KCNK10: variants seen among roughly 807,000 people sequenced by gnomAD.
The protein encoded by KCNK10 is potassium two pore domain channel subfamily K member 10.
In KCNK10, 25 loss-of-function variants were observed where a neutral mutation model predicts 47.7. The observed-to-expected ratio is 0.52, with a 90% CI of 0.38 to 0.73. KCNK10 has a LOEUF of 0.73. KCNK10 is among the 30% of genes least tolerant of loss of function. The pLI is 0.00. For synonymous variants in KCNK10, 303 were observed against 285.6 expected (o/e 1.06, Z -0.61); for missense variants, 563 against 714.5 (o/e 0.79, Z 2.42).
rs1566676123 is a variant in KCNK10 at position 88,185,482 on chromosome 14, A to AC, written c.*52_*53insG. On this transcript the variant is annotated 3_prime_UTR_variant, in exon 7 of 7. Transcript: ENST00000319231. The surrounding 1 kb of genome is among the most constrained non-coding windows in gnomAD (Gnocchi z 4.3). The stretch of plus-strand genomic sequence containing the variant: ...CACATGTCTCAGTGTGAATATTAAA[A>AC]ACACACACACACACACACACAACGC... 7.7e-5 allele frequency: 109 copies of AC among 1,421,710 alleles called. No homozygotes were observed. Among genetic ancestry groups the AC allele is most frequent in the East Asian group, 2.4e-4 (10 of 41,430 alleles). 88.1% of individuals were successfully genotyped at this position (1,421,710 alleles called of 1,614,324 possible).
At chr14:88,208,414 TC>T in intron 4 of KCNK10, among the ~76,000 whole-genome samples, 1 of 152,174 alleles carries the variant, frequency 6.6e-6, no homozygotes, top group South Asian at 2.1e-4. Flanking sequence ...TTGATAAGCC[TC>T]CAAAGGGTAG....
chr14:88,303,380 G>A (rs1007188972), intron 1 of KCNK10, among the ~76,000 whole-genome samples: 1 of 152,132 alleles, frequency 6.6e-6, no homozygotes, highest in Non-Finnish European at 1.5e-5. Flanking sequence ...GTCCATAAGT[G>A]GCCTCCAAAG....
intron 4 of KCNK10, 115 bp downstream of exon 4, chr14:88,227,260 A>G: frequency 2.3e-6 from 2 of 867,526 alleles, no homozygotes; most frequent in Middle Eastern, 2.3e-4. Flanking sequence ...CAATCATAAC[A>G]TTAAAATTAT....
In KCNK10 at chr14:88,220,879, C is replaced by T. The variant is rs781350229; in HGVS notation, c.681+6496G>A. Among the ~76,000 whole-genome samples, 32 of 151,838 alleles carry T rather than the reference C, an allele frequency of 2.1e-4. 1 individual carries two copies. The highest frequency in any genetic ancestry group is 1.9e-4 in the Non-Finnish European group (13 of 67,978). On this transcript the variant is annotated intron_variant, in intron 4 of 6. Transcript: ENST00000319231. The stretch of plus-strand genomic sequence containing the variant: ...AAGCTGGACTTCATTAAAATTAAAA[C>T]CTCTGCTCTGTTAAAGACACTATCA...
intron 3 of KCNK10, chr14:88,235,399 G>A: frequency 2.9e-6 from 1 of 350,258 alleles, no homozygotes; most frequent in African/African-American, 2.1e-5. Context: ...CCAGAAAAAT[G>A]TTTCCAAAAT....
At chr14:88,326,687 G>T (rs1298779288), upstream of KCNK10, 2 of 563,606 alleles carry the variant, frequency 3.5e-6, no homozygotes, top group African/African-American at 1.9e-5. Context: ...CGCTGCTACC[G>T]GGCACGGGTC....
chr14:88,306,431 T>C (rs1292497498), intron 1 of KCNK10, among the ~76,000 whole-genome samples: 1 of 152,156 alleles, frequency 6.6e-6, no homozygotes, highest in Non-Finnish European at 1.5e-5. Flanking sequence ...TAGAATAGCA[T>C]GTGAGAGAAC....
At chr14:88,243,467 C>T (rs891900749) in intron 2 of KCNK10, among the ~76,000 whole-genome samples, 1 of 152,188 alleles carries the variant, frequency 6.6e-6, no homozygotes, top group African/African-American at 2.4e-5. Context: ...ACCTAGAATG[C>T]ATGTTGCCTC....
chr14:88,274,126 A>G (rs191840280), intron 1 of KCNK10, among the ~76,000 whole-genome samples: 143 of 143,756 alleles, frequency 9.9e-4, no homozygotes, highest in Admixed American at 2.5e-3. Flanking sequence ...TTAAAACTCC[A>G]CAAGCACCGC....
At chr14:88,281,667 G>C (rs1267334180) in intron 1 of KCNK10, among the ~76,000 whole-genome samples, 1 of 151,092 alleles carries the variant, frequency 6.6e-6, no homozygotes, top group Non-Finnish European at 1.5e-5. Context: ...CAGATCTTGG[G>C]ACCTGTCCAT....
At chr14:88,323,686 G>C (rs544817882), upstream of KCNK10, 1 of 151,756 alleles carries the variant, frequency 6.6e-6, no homozygotes, top group South Asian at 2.1e-4. Context: ...AGGCGGCAGC[G>C]GCGCGCTTGC....
chr14:88,198,275 G>A (rs1388436781), intron 4 of KCNK10, among the ~76,000 whole-genome samples: 1 of 152,154 alleles, frequency 6.6e-6, no homozygotes, highest in East Asian at 1.9e-4. Flanking sequence ...CTTCTCTTTG[G>A]TTGAAGCATG....
chr14:88,302,247 T>C (rs1178865962), intron 1 of KCNK10, among the ~76,000 whole-genome samples: 1 of 152,132 alleles, frequency 6.6e-6, no homozygotes, highest in East Asian at 1.9e-4. Context: ...AAGTTTAGGA[T>C]ATACTCGGCA....
At chr14:88,192,529 G>T (rs762887452) in intron 4 of KCNK10, 119 bp from the exon 5 acceptor site, 9 of 816,626 alleles carry the variant, frequency 1.1e-5, no homozygotes, top group Non-Finnish European at 1.7e-5. Flanking sequence ...GTCATTGGCT[G>T]CTTGGAGGAA....
chr14:88,305,525 A>G (rs935128287), intron 1 of KCNK10, among the ~76,000 whole-genome samples: 5 of 152,148 alleles, frequency 3.3e-5, no homozygotes, highest in East Asian at 1.9e-4. Context: ...AAAACTGCCA[A>G]TCAGCTGTGG....
chr14:88,186,004 T>C lies in KCNK10; in HGVS notation c.1163A>G (p.Asp388Gly). ...CATGTCCAGTGAGTGGGCCCGCTGG[T>C]CCAGGCCCAGCCGCCGGCGCTCCAT... is the stretch of plus-strand genomic sequence containing the variant. ...RSMERRRLGL[D>G]QRAHSLDMLS... Residue 388 changes from aspartate to glycine, a missense_variant, in exon 7 of 7, where the codon GAC becomes GGC. Coordinates refer to ENST00000319231, the MANE Select transcript of KCNK10 (RefSeq NM_138317.3). This position sits in a 1 kb window ranked among gnomAD's most constrained non-coding sequence, Gnocchi z 5.5. 6.2e-7 allele frequency: 1 copy of C among 1,613,390 alleles called. No homozygotes were observed. Among genetic ancestry groups the C allele is most frequent in the Non-Finnish European group, 8.5e-7 (1 of 1,179,910 alleles).
chr14:88,195,171 T>C (rs562739349), intron 4 of KCNK10, among the ~76,000 whole-genome samples: 11 of 152,214 alleles, frequency 7.2e-5, no homozygotes, highest in African/African-American at 2.4e-4. Flanking sequence ...TGAAAAACCA[T>C]AGTAGTGTTT....
chr14:88,326,570 G>A (rs920480766), upstream of KCNK10: 8 of 785,660 alleles, frequency 1.0e-5, no homozygotes, highest in African/African-American at 1.4e-4. Context: ...GCGTTCCTGC[G>A]GCAGGAAAAC....
intron 4 of KCNK10, among the ~76,000 whole-genome samples, chr14:88,218,545 CG>C (rs1212941381): frequency 1.5e-5 from 2 of 134,794 alleles, no homozygotes; most frequent in Admixed American, 8.0e-5. Context: ...ATCCTTGGGG[CG>C]GGGGGAAAGC....
Sources: allele counts gnomAD v4.1 joint callset (sites outside exome capture counted in the v4.1 genomes callset), GRCh38; gene constraint gnomAD v4.1.1; non-coding constraint Gnocchi (gnomAD v3.1); transcripts MANE v1.5; gene names NCBI Gene and HGNC (gene_info 2026-07-23, HGNC 2026-07-21).